DCC: variants seen among roughly 807,000 people sequenced by gnomAD.
DCC encodes the protein netrin receptor DCC.
In DCC, 58 loss-of-function variants were observed where a neutral mutation model predicts 172.5. The ratio of observed to expected loss-of-function variants is 0.34; its 90% confidence interval spans 0.27 to 0.42. DCC has a LOEUF of 0.42. Among genes scored for constraint, DCC ranks in the 10% least tolerant of loss-of-function variants. DCC has a pLI of 1.00. For synonymous variants in DCC, 709 were observed against 644.5 expected (o/e 1.10, Z -1.52); for missense variants, 1,740 against 1,791.0 (o/e 0.97, Z 0.51).
At chr18:52,804,418 G>A (rs2038049170) in intron 2 of DCC, among the ~76,000 whole-genome samples, 1 of 152,172 alleles carries the variant, frequency 6.6e-6, no homozygotes, top group Non-Finnish European at 1.5e-5. Flanking sequence ...TTCAACTTAT[G>A]AAATAGTTTC....
At chr18:53,251,991 C>G (rs2056441700) in intron 12 of DCC, among the ~76,000 whole-genome samples, 1 of 151,740 alleles carries the variant, frequency 6.6e-6, no homozygotes. Context: ...TAGAATAATC[C>G]CAGGAAGATG....
intron 5 of DCC, among the ~76,000 whole-genome samples, chr18:52,971,294 T>G (rs1256491731): frequency 6.6e-6 from 1 of 152,068 alleles, no homozygotes; most frequent in African/African-American, 2.4e-5. Flanking sequence ...TGCTACCAAT[T>G]GAACATTATG....
chr18:53,384,886 C>T (rs994967264), intron 15 of DCC, among the ~76,000 whole-genome samples: 3 of 151,022 alleles, frequency 2.0e-5, no homozygotes, highest in African/African-American at 4.9e-5. Flanking sequence ...CTCGCTGTGT[C>T]GCGCAGGATG....
At chr18:52,399,026 AAG>A (rs1369035860) in intron 1 of DCC, among the ~76,000 whole-genome samples, 1 of 152,006 alleles carries the variant, frequency 6.6e-6, no homozygotes, top group African/African-American at 2.4e-5. Flanking sequence ...GTGCTATGAA[AAG>A]AGTAATTATT....
At chr18:52,786,087 T>C (rs190475692) in intron 2 of DCC, among the ~76,000 whole-genome samples, 1 of 152,222 alleles carries the variant, frequency 6.6e-6, no homozygotes, top group East Asian at 1.9e-4. Flanking sequence ...ATCTTGCAAG[T>C]GTGGTGTAGT....
chr18:53,118,258 C>T (rs895448313), intron 7 of DCC, among the ~76,000 whole-genome samples: 1 of 151,736 alleles, frequency 6.6e-6, no homozygotes, highest in Non-Finnish European at 1.5e-5. Flanking sequence ...ATCTTCCAAA[C>T]CACTGTGTAT....
intron 1 of DCC, among the ~76,000 whole-genome samples, chr18:52,636,074 C>G (rs948845366): frequency 1.1e-4 from 16 of 152,180 alleles, no homozygotes; most frequent in African/African-American, 3.4e-4. Context: ...ACACACCCCC[C>G]TAACTGGAGA....
chr18:53,450,146 C>T (rs902651990), intron 22 of DCC, among the ~76,000 whole-genome samples: 3 of 144,950 alleles, frequency 2.1e-5, no homozygotes, highest in Non-Finnish European at 4.6e-5. Context: ...TATATATACA[C>T]ACACACATAC....
At chr18:52,597,826 T>A (rs529267113) in intron 1 of DCC, among the ~76,000 whole-genome samples, 73 of 152,220 alleles carry the variant, frequency 4.8e-4, no homozygotes, top group Non-Finnish European at 1.0e-3. Context: ...CTCAATAAGC[T>A]CTTCTCTGTT....
intron 2 of DCC, among the ~76,000 whole-genome samples, chr18:52,851,458 C>T (rs923212127): frequency 6.6e-6 from 1 of 152,076 alleles, no homozygotes; most frequent in African/African-American, 2.4e-5. Flanking sequence ...CCACAGTCTC[C>T]ATCACTCCCT....
At chr18:52,446,345 C>A (rs1361896316) in intron 1 of DCC, among the ~76,000 whole-genome samples, 1 of 152,170 alleles carries the variant, frequency 6.6e-6, no homozygotes, top group Non-Finnish European at 1.5e-5. Context: ...TCTGTATTTG[C>A]TTATCTACAA....
Position 52,807,014 on chromosome 18 carries a change from G to GA in DCC, c.412+54643dup, listed in dbSNP as rs548284758. Among the ~76,000 whole-genome samples, 7 of 152,266 alleles carry GA rather than the reference G, an allele frequency of 4.6e-5. No homozygotes were observed. The East Asian group carries it at 1.4e-3, about 29-fold the overall frequency. ...TCAAGACCACCCTGGCCAATATGGT[G>GA]AAACCGTATCTCTACTAAACACAAA... is the stretch of plus-strand genomic sequence containing the variant. On this transcript the variant is annotated intron_variant, in intron 2 of 28. Transcript: ENST00000442544.
chr18:52,613,380 C>T (rs935116441), intron 1 of DCC, among the ~76,000 whole-genome samples: 6 of 152,166 alleles, frequency 3.9e-5, no homozygotes, highest in Admixed American at 6.5e-5. Context: ...CTCAGCCTCC[C>T]GAGTAGCTGG....
intron 1 of DCC, among the ~76,000 whole-genome samples, chr18:52,343,920 C>A (rs2144225408): frequency 7.3e-6 from 1 of 137,334 alleles, no homozygotes; most frequent in Admixed American, 7.6e-5. Context: ...GTCCACTCCT[C>A]TGTGAGTGCC....
chr18:53,012,946 C>T (rs559728568), intron 5 of DCC, among the ~76,000 whole-genome samples: 6 of 152,128 alleles, frequency 3.9e-5, no homozygotes, highest in Admixed American at 2.6e-4. Context: ...AAGAAGACAT[C>T]TGCAGCCAAC....
intron 2 of DCC, among the ~76,000 whole-genome samples, chr18:52,805,115 T>C (rs1356723263): frequency 1.3e-5 from 2 of 152,238 alleles, no homozygotes; most frequent in Non-Finnish European, 2.9e-5. Flanking sequence ...ACAGAGCTAT[T>C]GCAAAGTTTA....
At chr18:52,349,996 T>C (rs1445983864) in intron 1 of DCC, among the ~76,000 whole-genome samples, 2 of 152,168 alleles carry the variant, frequency 1.3e-5, no homozygotes, top group African/African-American at 2.4e-5. Context: ...TGTACAGCCA[T>C]AGACAAACAT....
intron 2 of DCC, among the ~76,000 whole-genome samples, chr18:52,819,132 A>G (rs1369745555): frequency 6.6e-6 from 1 of 152,184 alleles, no homozygotes; most frequent in African/African-American, 2.4e-5. Flanking sequence ...CTGATTAACA[A>G]TACAATCAAG....
intron 2 of DCC, among the ~76,000 whole-genome samples, chr18:52,852,244 C>A (rs894151409): frequency 6.6e-6 from 1 of 151,974 alleles, no homozygotes; most frequent in Non-Finnish European, 1.5e-5. Flanking sequence ...AAGGATATTG[C>A]ATCAATATAC....
Sources: allele counts gnomAD v4.1 joint callset (sites outside exome capture counted in the v4.1 genomes callset), GRCh38; gene constraint gnomAD v4.1.1; transcripts MANE v1.5; gene names NCBI Gene and HGNC (gene_info 2026-07-23, HGNC 2026-07-21).